The following ZNF346 variants were observed in gnomAD, a reference collection of about 807,000 sequenced individuals.
The protein encoded by ZNF346 is zinc finger protein 346.
Under a neutral mutation model 33.7 loss-of-function variants are expected in ZNF346, and 23 were observed. That is an observed-to-expected ratio of 0.68 (90% confidence interval 0.49 to 0.97). The LOEUF (loss-of-function observed/expected upper bound fraction) is 0.97, where lower values mean the gene tolerates loss of function less well. ZNF346 is among the 50% of genes least tolerant of loss of function. The pLI is 0.00. For synonymous variants in ZNF346, 134 were observed against 142.4 expected, an observed-to-expected ratio of 0.94 and a Z score of 0.42; for missense variants, 340 against 371.1, an observed-to-expected ratio of 0.92 and a Z score of 0.69.
At chr5:177,078,673 AGGC>A (rs1783863362) in intron 8 of ZNF346, among the ~76,000 whole-genome samples, 3 of 152,212 alleles carry the variant, frequency 2.0e-5, no homozygotes, top group Non-Finnish European at 4.4e-5. Context: ...GCACTTTGGG[AGGC>A]CAAGGCAGGC....
chr5:177,044,326 A>G, intron 3 of ZNF346, 63 bp from the exon 4 acceptor site: 1 of 1,598,754 alleles, frequency 6.3e-7, no homozygotes, highest in Admixed American at 1.7e-5. Flanking sequence ...GCAGTGGGGA[A>G]CCATTGAAGA....
chr5:177,060,284 A>C (rs1202045860), intron 5 of ZNF346, among the ~76,000 whole-genome samples: 1 of 152,198 alleles, frequency 6.6e-6, no homozygotes, highest in Admixed American at 6.5e-5. Context: ...GCACTTTAGG[A>C]GGTCGAGGTG....
chr5:177,077,432 G>A lies in ZNF346; in HGVS notation c.*3-1950G>A, dbSNP rs545036818. On this transcript the variant is annotated intron_variant, in intron 8 of 8. Transcript: ENST00000503039. This position sits in a 1 kb window ranked among gnomAD's most constrained non-coding sequence, Gnocchi z 5.0. The stretch of plus-strand genomic sequence containing the variant: ...ATGTTCAAAGAAGGAATGGCTTCAG[G>A]CAAGGCTTGATCCGGGTGCACTCCA... 1.3e-5 allele frequency among the ~76,000 whole-genome samples: 2 copies of A among 152,174 alleles called. No individual in the cohort carries two copies. Among genetic ancestry groups the A allele is most frequent in the Non-Finnish European group, 2.9e-5 (2 of 68,026 alleles).
intron 5 of ZNF346, among the ~76,000 whole-genome samples, chr5:177,057,248 C>A (rs1441389916): frequency 1.3e-5 from 2 of 151,878 alleles, no homozygotes; most frequent in Non-Finnish European, 2.9e-5. Context: ...GAACTGAGAT[C>A]GCACTATTGC....
Position 177,022,704 on chromosome 5 carries a change from G to C in ZNF346, c.-35G>C. On this transcript the variant is annotated 5_prime_UTR_variant, in exon 1 of 7. Transcript: ENST00000358149. ...CAAATCTCGCGATACCTAGGCGCCT[G>C]AGAGGCTCTCTACCGGTGAGGGTTT... is the stretch of plus-strand genomic sequence containing the variant. 1 of 1,507,706 alleles carries C rather than the reference G, an allele frequency of 6.6e-7. No homozygotes were observed. The highest frequency in any genetic ancestry group is 8.8e-7 in the Non-Finnish European group (1 of 1,135,006). 93.4% of individuals were successfully genotyped at this position (1,507,706 alleles called of 1,614,324 possible).
intron 5 of ZNF346, among the ~76,000 whole-genome samples, chr5:177,053,565 A>C (rs1781257845): frequency 6.6e-6 from 1 of 152,180 alleles, no homozygotes; most frequent in Non-Finnish European, 1.5e-5. Context: ...TTCTAATACA[A>C]TAAGGATAAT....
intron 1 of ZNF346, among the ~76,000 whole-genome samples, chr5:177,028,005 A>T (rs1777052428): frequency 7.8e-6 from 1 of 128,768 alleles, no homozygotes; most frequent in African/African-American, 3.0e-5. Context: ...ACTTGTTTTA[A>T]GTGTACACAG....
intron 4 of ZNF346, among the ~76,000 whole-genome samples, chr5:177,048,648 C>T (rs571052153): frequency 2.0e-5 from 3 of 152,128 alleles, no homozygotes; most frequent in Admixed American, 1.3e-4. Flanking sequence ...AAGGAAAAGT[C>T]GGAAAATAGT....
intron 3 of ZNF346, 71 bp from the exon 4 acceptor site, chr5:177,044,318 A>T (rs1235091528): frequency 1.9e-6 from 3 of 1,581,332 alleles, no homozygotes; most frequent in Admixed American, 3.4e-5. Context: ...TGTTATGGGC[A>T]GTGGGGAACC....
In ZNF346 at chr5:177,066,553, A is replaced by G. The variant is rs1314458018; in HGVS notation, c.*1954A>G. Among the ~76,000 whole-genome samples, 2 of 151,982 alleles carry G rather than the reference A, an allele frequency of 1.3e-5. No homozygotes were observed. Among genetic ancestry groups the G allele is most frequent in the South Asian group, 2.1e-4 (1 of 4,808 alleles). On this transcript the variant is annotated 3_prime_UTR_variant, in exon 7 of 7. Coordinates refer to ENST00000358149, the MANE Select transcript of ZNF346 (RefSeq NM_012279.4). ...GGTGATTCTTGAAAGAGCATTTTTC[A>G]TGACTCAAAAATGAGCTGAGAAGGA... is the stretch of plus-strand genomic sequence containing the variant.
intron 4 of ZNF346, 183 bp from the exon 5 acceptor site, chr5:177,050,568 C>A: frequency 1.6e-6 from 1 of 637,294 alleles, no homozygotes; most frequent in Non-Finnish European, 2.8e-6. Flanking sequence ...ATGCATTCAC[C>A]TGTGTGACTC....
downstream of ZNF346, among the ~76,000 whole-genome samples, chr5:177,068,810 G>C (rs990600481): frequency 3.5e-5 from 5 of 143,096 alleles, 1 homozygote; most frequent in African/African-American, 6.0e-5. Context: ...AAACAACTGT[G>C]CACTATACCC....
Position 177,047,428 on chromosome 5 carries a change from C to T in ZNF346, c.517+2895C>T, listed in dbSNP as rs1290652460. On this transcript the variant is annotated intron_variant, in intron 4 of 6. Transcript: ENST00000358149. ...TCTCAGCTCACTGCAACCTCTGCCC[C>T]ACCAGGTTCAAGCAATTCTCCTGCT... is the stretch of plus-strand genomic sequence containing the variant. 2.6e-5 allele frequency among the ~76,000 whole-genome samples: 4 copies of T among 151,926 alleles called. No homozygotes were observed. In the South Asian group the frequency reaches 6.2e-4, roughly 24 times the overall value.
At chr5:177,038,878 G>T (rs1341640407) in intron 1 of ZNF346, among the ~76,000 whole-genome samples, 6 of 4,902 alleles carry the variant, frequency 1.2e-3, no homozygotes, top group Non-Finnish European at 5.7e-3. Context: ...TCTTCTTCTT[G>T]TGTGTGTGTG....
At chr5:177,073,989 A>G (rs902611825) in intron 8 of ZNF346, among the ~76,000 whole-genome samples, 2 of 152,156 alleles carry the variant, frequency 1.3e-5, no homozygotes, top group African/African-American at 4.8e-5. Flanking sequence ...GGGCTAGACC[A>G]TGTGGCGACC....
In ZNF346 at chr5:177,022,824, A is replaced by C. The variant is rs1289813676; in HGVS notation, c.86A>C (p.Gln29Pro). ...PYSSSELLEG[Q>P]EPDGVRFDRE... ...AGCAGCTCGGAGTTGCTGGAGGGCC[A>C]GGAGCCGGACGGGGTGCGCTTTGAC... The change falls in exon 1 of 7, where the codon CAG becomes CCG. Residue 29 changes from glutamine (Q) to proline (P), a missense_variant. Coordinates refer to ENST00000358149, the MANE Select transcript of ZNF346 (RefSeq NM_012279.4). 5 of 1,541,260 alleles carry C rather than the reference A, an allele frequency of 3.2e-6. No homozygotes were observed. Among genetic ancestry groups the C allele is most frequent in the Non-Finnish European group, 4.4e-6 (5 of 1,143,822 alleles).
chr5:177,022,795 T>G lies in ZNF346; in HGVS notation c.57T>G (p.Pro19=). The change falls in exon 1 of 7, where the codon CCT becomes CCG. Residue 19 remains proline (P), a synonymous_variant. Transcript: ENST00000358149. ...CCGCGGACGGCGGAGCGGCCGGGCC[T>G]TACAGCAGCTCGGAGTTGCTGGAGG... is the stretch of plus-strand genomic sequence containing the variant. The part of the protein sequence containing the change: ...VQAADGGAAG[P]YSSSELLEGQ... 6.5e-7 allele frequency: 1 copy of G among 1,546,462 alleles called. No homozygotes were observed. Among genetic ancestry groups the G allele is most frequent in the Non-Finnish European group, 8.7e-7 (1 of 1,147,324 alleles).
chr5:177,037,207 C>CA (rs1778629992), intron 1 of ZNF346, among the ~76,000 whole-genome samples: 1 of 152,144 alleles, frequency 6.6e-6, no homozygotes, highest in Non-Finnish European at 1.5e-5. Flanking sequence ...GTTTTATATT[C>CA]AACTTCGCTT....
chr5:177,057,417 T>C (rs1781845864), intron 5 of ZNF346, among the ~76,000 whole-genome samples: 1 of 151,794 alleles, frequency 6.6e-6, no homozygotes, highest in South Asian at 2.1e-4. Flanking sequence ...CAGGTGGCAA[T>C]CAAGCCAAAT....
Sources: gnomAD v4.1 joint callset for allele counts (sites outside exome capture counted in the v4.1 genomes callset) on GRCh38, gnomAD v4.1.1 for gene constraint, Gnocchi (gnomAD v3.1) non-coding constraint, MANE v1.5 for transcripts, NCBI Gene and HGNC (gene_info 2026-07-23, HGNC 2026-07-21) for gene names.